CMSS1: variants seen among roughly 807,000 people sequenced by gnomAD.
CMSS1 encodes the protein protein CMSS1.
CMSS1 carries 33 observed loss-of-function variants against 43.5 expected under a neutral mutation model. That is an observed-to-expected ratio of 0.76 (90% confidence interval 0.57 to 1.01). The LOEUF (loss-of-function observed/expected upper bound fraction) is 1.01. Ranked by LOEUF, CMSS1 falls within the 50% of genes least tolerant of loss-of-function variation. CMSS1 has a pLI of 0.00. For missense variants in CMSS1, 313 were observed against 326.4 expected (o/e 0.96, Z 0.32); for synonymous variants, 115 against 117.2 (o/e 0.98, Z 0.12).
At chr3:99,932,086 A>G (rs187510676) in intron 1 of CMSS1, among the ~76,000 whole-genome samples, 1 of 152,218 alleles carries the variant, frequency 6.6e-6, no homozygotes, top group Non-Finnish European at 1.5e-5. Context: ...CAAATTTATA[A>G]AATTTTAATA....
intron 2 of CMSS1, among the ~76,000 whole-genome samples, chr3:100,148,280 TG>T (rs2066871828): frequency 6.6e-6 from 1 of 152,122 alleles, no homozygotes; most frequent in Non-Finnish European, 1.5e-5. Flanking sequence ...GATCTCACTA[TG>T]TTAGCCAGGC....
At chr3:100,109,055 G>A (rs939197614) in intron 1 of CMSS1, among the ~76,000 whole-genome samples, 11 of 150,474 alleles carry the variant, frequency 7.3e-5, no homozygotes, top group Non-Finnish European at 1.6e-4. Flanking sequence ...AGTTTTCTGG[G>A]TTCTACAGGA....
At chr3:99,946,149 A>G (rs2107682300) in intron 1 of CMSS1, among the ~76,000 whole-genome samples, 1 of 152,336 alleles carries the variant, frequency 6.6e-6, no homozygotes, top group East Asian at 1.9e-4. Context: ...AGAGTTGACA[A>G]AAGGGGCCCT....
At chr3:100,113,533 A>G (rs571386095) in intron 1 of CMSS1, among the ~76,000 whole-genome samples, 50 of 152,350 alleles carry the variant, frequency 3.3e-4, no homozygotes, top group African/African-American at 1.2e-3. Context: ...AAGAAAAAAG[A>G]TACAATATAG....
At chr3:99,995,122 C>T (rs1360535370) in intron 1 of CMSS1, among the ~76,000 whole-genome samples, 1 of 152,190 alleles carries the variant, frequency 6.6e-6, no homozygotes, top group Admixed American at 6.5e-5. Context: ...AGGCAAGTCC[C>T]TTCCACCTAT....
intron 1 of CMSS1, among the ~76,000 whole-genome samples, chr3:100,100,441 A>G (rs1451659999): frequency 6.6e-6 from 1 of 152,204 alleles, no homozygotes; most frequent in Non-Finnish European, 1.5e-5. Context: ...TTTACAGATT[A>G]GGTCATAAGG....
At chr3:99,880,046 A>G (rs971379538) in intron 1 of CMSS1, among the ~76,000 whole-genome samples, 2 of 152,128 alleles carry the variant, frequency 1.3e-5, no homozygotes, top group Admixed American at 6.5e-5. Context: ...TAACCTTGCC[A>G]TGGATCCGAT....
At chr3:99,926,857 G>A (rs1233292343) in intron 1 of CMSS1, among the ~76,000 whole-genome samples, 1 of 152,132 alleles carries the variant, frequency 6.6e-6, no homozygotes, top group Non-Finnish European at 1.5e-5. Context: ...TGGAAAGAAG[G>A]CTAGAAGGAA....
intron 1 of CMSS1, chr3:100,040,689 A>G (rs781525202): frequency 2.0e-5 from 3 of 152,228 alleles, no homozygotes; most frequent in Non-Finnish European, 2.9e-5. Flanking sequence ...CTTCATTTGA[A>G]TGACTATTAC....
intron 1 of CMSS1, among the ~76,000 whole-genome samples, chr3:100,038,016 A>G (rs2065140274): frequency 6.8e-6 from 1 of 147,190 alleles, no homozygotes; most frequent in Non-Finnish European, 1.5e-5. Context: ...GTGCAGTGGC[A>G]CAATCTCGGC....
intron 1 of CMSS1, among the ~76,000 whole-genome samples, chr3:99,936,013 ATTCT>A (rs896514253): frequency 6.6e-6 from 1 of 152,162 alleles, no homozygotes; most frequent in Non-Finnish European, 1.5e-5. Context: ...TTTAAAAATC[ATTCT>A]TTATTAATGT....
At chr3:100,028,601 C>T (rs902159) in intron 1 of CMSS1, among the ~76,000 whole-genome samples, 88,135 of 151,930 alleles carry the variant, frequency 0.58, 25,754 homozygotes, top group East Asian at 0.72. Context: ...ATGTATTTAC[C>T]TAGTAGGCAC....
chr3:100,140,769 A>C, intron 1 of CMSS1, among the ~76,000 whole-genome samples: 1 of 152,080 alleles, frequency 6.6e-6, no homozygotes, highest in Non-Finnish European at 1.5e-5. Flanking sequence ...TCTTAGAAAA[A>C]GAATGCAAAA....
Position 99,857,196 on chromosome 3 carries a change from A to ATGT in CMSS1, c.64+39154_64+39155insGTT, listed in dbSNP as rs146160203. On this transcript the variant is annotated intron_variant, in intron 1 of 9. Coordinates refer to ENST00000421999, the MANE Select transcript of CMSS1 (RefSeq NM_032359.4). ...ATTCACTATTTAAGAGGATGCTCTA[A>ATGT]TATTTACCATGTACATGTTTTTAGG... Among the ~76,000 whole-genome samples, 221 of 152,226 alleles carry ATGT rather than the reference A, an allele frequency of 1.5e-3. 1 individual carries two copies. The highest frequency in any genetic ancestry group is 5.1e-3 in the African/African-American group (210 of 41,498).
In CMSS1 at chr3:99,848,702, A is replaced by G. The variant is rs753283981; in HGVS notation, c.64+30659A>G. The G allele has an allele frequency of 4.3e-6, 7 of 1,614,162 alleles. No individual in the cohort carries two copies. The South Asian group carries it at 7.7e-5, about 18-fold the overall frequency. ...GACATTGTCCTTTCTGGAGTTAGAG[A>G]ACCACAAGACTCTGGGGTCTGTGCT... On this transcript the variant is annotated intron_variant, in intron 1 of 9. Transcript: ENST00000421999.
chr3:100,148,315 G>A (rs1258691216), intron 2 of CMSS1, among the ~76,000 whole-genome samples: 1 of 152,158 alleles, frequency 6.6e-6, no homozygotes. Flanking sequence ...CTGGGCTCAA[G>A]TGATCCTCTT....
intron 1 of CMSS1, among the ~76,000 whole-genome samples, chr3:99,896,361 G>T (rs1001134744): frequency 3.9e-5 from 6 of 152,226 alleles, no homozygotes; most frequent in Non-Finnish European, 5.9e-5. Context: ...CTTTTCTAGA[G>T]AGAGGCTGTT....
chr3:100,098,210 A>G (rs531118307), intron 1 of CMSS1, among the ~76,000 whole-genome samples: 53 of 152,300 alleles, frequency 3.5e-4, no homozygotes, highest in African/African-American at 1.3e-3. Flanking sequence ...ATTTTATGAC[A>G]GGTAAAAAAA....
intron 1 of CMSS1, among the ~76,000 whole-genome samples, chr3:99,935,224 A>G (rs1204624362): frequency 2.6e-5 from 4 of 151,370 alleles, no homozygotes; most frequent in African/African-American, 9.7e-5. Flanking sequence ...GGTAAAGAAA[A>G]ATTTTGTAAT....
Sources: gnomAD v4.1 joint callset for allele counts (sites outside exome capture counted in the v4.1 genomes callset) on GRCh38, gnomAD v4.1.1 for gene constraint, MANE v1.5 for transcripts, NCBI Gene and HGNC (gene_info 2026-07-23, HGNC 2026-07-21) for gene names.